The following CCDC178 variants were observed in gnomAD, a reference collection of about 807,000 sequenced individuals.
CCDC178 encodes the protein coiled-coil domain-containing protein 178.
Under a neutral mutation model 117.4 loss-of-function variants are expected in CCDC178, and 126 were observed. The ratio of observed to expected loss-of-function variants is 1.07; its 90% CI spans 0.93 to 1.24. CCDC178 has a LOEUF of 1.24. Ranked by LOEUF, CCDC178 falls within the 50% of genes most tolerant of loss-of-function variation. The pLI is 0.00. For synonymous variants in CCDC178, 283 were observed against 313.4 expected (o/e 0.90, Z 1.02); for missense variants, 1,030 against 986.9 (o/e 1.04, Z -0.59).
intron 7 of CCDC178, among the ~76,000 whole-genome samples, chr18:33,349,655 T>C (rs982779812): frequency 2.6e-5 from 4 of 151,906 alleles, no homozygotes; most frequent in Non-Finnish European, 5.9e-5. Context: ...AAGTGTTTTT[T>C]CTCTGATCAA....
chr18:33,381,523 A>G (rs1416184276), intron 5 of CCDC178, among the ~76,000 whole-genome samples: 2 of 152,242 alleles, frequency 1.3e-5, no homozygotes, highest in African/African-American at 4.8e-5. Context: ...CCTATGCTAT[A>G]GACAGATACA....
chr18:33,107,429 C>T (rs955204981), intron 20 of CCDC178, among the ~76,000 whole-genome samples: 2 of 151,360 alleles, frequency 1.3e-5, no homozygotes, highest in African/African-American at 4.8e-5. Context: ...AGACACAATC[C>T]CAAATGCCAT....
rs1049737874 is a variant in CCDC178, at chr18:33,237,518, C to T, written c.1593+7727G>A. Among the ~76,000 whole-genome samples, 10 of 152,176 alleles carry T rather than the reference C, an allele frequency of 6.6e-5. 1 individual carries two copies. The highest frequency in any genetic ancestry group is 2.4e-4 in the African/African-American group (10 of 41,452). On this transcript the variant is annotated intron_variant, in intron 15 of 22. Coordinates refer to ENST00000383096, the MANE Select transcript of CCDC178 (RefSeq NM_001105528.4). ...CAGGCCAGCTGATCAGCTTTGTGCC[C>T]ATGTCGACTCGATAAACAGCCTCTT... is the stretch of plus-strand genomic sequence containing the variant.
chr18:33,088,351 T>C (rs145937402), intron 21 of CCDC178, among the ~76,000 whole-genome samples: 172 of 152,262 alleles, frequency 1.1e-3, no homozygotes, highest in Non-Finnish European at 1.9e-3. Flanking sequence ...TGGGATTGTA[T>C]TGACTCTATA....
At chr18:33,291,147 CAG>C (rs2060161390) in intron 12 of CCDC178, among the ~76,000 whole-genome samples, 1 of 151,894 alleles carries the variant, frequency 6.6e-6, no homozygotes, top group African/African-American at 2.4e-5. Flanking sequence ...AATGAAATAA[CAG>C]AAAATATTTT....
intron 14 of CCDC178, among the ~76,000 whole-genome samples, chr18:33,262,131 T>C (rs2059758005): frequency 2.6e-5 from 4 of 152,328 alleles, no homozygotes; most frequent in Admixed American, 2.0e-4. Flanking sequence ...ATATGGCCAA[T>C]TGTTATAATT....
At chr18:33,304,591 T>C (rs1431180177) in intron 11 of CCDC178, among the ~76,000 whole-genome samples, 1 of 152,220 alleles carries the variant, frequency 6.6e-6, no homozygotes, top group Non-Finnish European at 1.5e-5. Context: ...CCCAACATAA[T>C]GCCTACATGA....
At chr18:33,000,718 C>A (rs2055613330) in intron 21 of CCDC178, among the ~76,000 whole-genome samples, 1 of 152,102 alleles carries the variant, frequency 6.6e-6, no homozygotes, top group African/African-American at 2.4e-5. Context: ...ATAGCGTATC[C>A]AGTGAAAATA....
At chr18:33,428,288 G>T (rs1016106627) in intron 2 of CCDC178, among the ~76,000 whole-genome samples, 2 of 152,094 alleles carry the variant, frequency 1.3e-5, no homozygotes, top group African/African-American at 4.8e-5. Context: ...ATCTAGAAAA[G>T]TCTTAACCCA....
At chr18:33,243,863 T>C (rs1435236777) in intron 15 of CCDC178, among the ~76,000 whole-genome samples, 2 of 151,954 alleles carry the variant, frequency 1.3e-5, no homozygotes, top group Non-Finnish European at 2.9e-5. Flanking sequence ...TCTTCATTGA[T>C]ATCCTCAAAG....
chr18:33,158,396 C>CT (rs1207925259), intron 20 of CCDC178, among the ~76,000 whole-genome samples: 2 of 152,032 alleles, frequency 1.3e-5, no homozygotes, highest in African/African-American at 4.8e-5. Flanking sequence ...GATATCTGTA[C>CT]TTTATTTCCA....
rs552087176 is a variant in CCDC178, at chr18:33,230,408, A to G, written c.1594-3553T>C. ...ATCAGCACCAGGACTGCCTGCTACT[A>G]GAGCCTGGACACATTCTACAGCTCT... On this transcript the variant is annotated intron_variant, in intron 15 of 22. Transcript: ENST00000383096. Among the ~76,000 whole-genome samples the G allele has an allele frequency of 2.6e-5, 4 of 152,306 alleles. No individual in the cohort carries two copies. In the East Asian group the frequency reaches 7.7e-4, roughly 29 times the overall value.
chr18:33,220,169 T>C (rs943500622), intron 18 of CCDC178, among the ~76,000 whole-genome samples: 9 of 152,048 alleles, frequency 5.9e-5, no homozygotes, highest in African/African-American at 1.9e-4. Flanking sequence ...AGAAACACAA[T>C]ACTCTCTGGT....
chr18:33,101,164 A>G (rs897316515), intron 20 of CCDC178, among the ~76,000 whole-genome samples: 1 of 151,676 alleles, frequency 6.6e-6, no homozygotes, highest in Admixed American at 6.6e-5. Flanking sequence ...TCTGATATCA[A>G]GAGTGTTAGA....
In CCDC178 at chr18:33,013,803, A is replaced by G. The variant is rs187060063; in HGVS notation, c.2389-39122T>C. On this transcript the variant is annotated intron_variant, in intron 21 of 22. Transcript: ENST00000383096. The stretch of plus-strand genomic sequence containing the variant: ...TATATATGCATACAAAGATCTTGCC[A>G]ATGTTATAACCACTCCTATTTAGAC... Among the ~76,000 whole-genome samples the G allele has an allele frequency of 7.5e-4, 114 of 152,318 alleles. 1 individual carries two copies. The highest frequency in any genetic ancestry group is 4.0e-4 in the Non-Finnish European group (27 of 68,016).
intron 21 of CCDC178, among the ~76,000 whole-genome samples, chr18:33,004,484 T>C (rs1227234982): frequency 6.6e-6 from 1 of 152,038 alleles, no homozygotes; most frequent in Admixed American, 6.6e-5. Context: ...AAAATTCAAA[T>C]CAGAATGGAT....
chr18:33,026,721 A>T (rs911642378), intron 21 of CCDC178, among the ~76,000 whole-genome samples: 1 of 151,858 alleles, frequency 6.6e-6, no homozygotes, highest in Non-Finnish European at 1.5e-5. Context: ...GTAAAGTGCC[A>T]AGAGTAAAAA....
chr18:33,209,800 T>A (rs1296543153), intron 20 of CCDC178, among the ~76,000 whole-genome samples: 1 of 152,038 alleles, frequency 6.6e-6, no homozygotes, highest in African/African-American at 2.4e-5. Context: ...AAATTTAAGG[T>A]TATCTGACAA....
chr18:33,387,526 G>C (rs945631010), intron 5 of CCDC178, among the ~76,000 whole-genome samples: 3 of 152,048 alleles, frequency 2.0e-5, no homozygotes, highest in African/African-American at 7.2e-5. Flanking sequence ...TAGACCAATA[G>C]AAGTGAATAA....
Sources: allele counts gnomAD v4.1 joint callset (sites outside exome capture counted in the v4.1 genomes callset), GRCh38; gene constraint gnomAD v4.1.1; transcripts MANE v1.5; gene names NCBI Gene and HGNC (gene_info 2026-07-23, HGNC 2026-07-21).